Variants in SUGCT observed in about 807,000 individuals in gnomAD.
The protein encoded by SUGCT is succinyl-CoA:glutarate CoA-transferase.
Under a neutral mutation model 55.0 loss-of-function variants are expected in SUGCT, and 41 were observed. That is an observed-to-expected ratio of 0.74 (90% CI 0.58 to 0.97). SUGCT has a LOEUF of 0.97. Ranked by LOEUF, SUGCT falls within the 50% of genes least tolerant of loss-of-function variation. SUGCT has a pLI of 0.00. For missense variants in SUGCT, 568 were observed against 547.8 expected (o/e 1.04, Z -0.37); for synonymous variants, 187 against 200.4 (o/e 0.93, Z 0.56).
At chr7:40,659,891 A>G (rs1801217989) in intron 12 of SUGCT, among the ~76,000 whole-genome samples, 1 of 151,986 alleles carries the variant, frequency 6.6e-6, no homozygotes. Flanking sequence ...GGAGCCAACA[A>G]CTCATTTCTC....
intron 7 of SUGCT, among the ~76,000 whole-genome samples, chr7:40,247,574 G>C (rs1789984051): frequency 6.6e-6 from 1 of 152,042 alleles, no homozygotes; most frequent in South Asian, 2.1e-4. Context: ...TTAAATTTTA[G>C]CCATTTTGGT....
intron 12 of SUGCT, among the ~76,000 whole-genome samples, chr7:40,745,137 C>T (rs1787667274): frequency 6.6e-6 from 1 of 152,190 alleles, no homozygotes; most frequent in Admixed American, 6.5e-5. Flanking sequence ...TCATTATCCA[C>T]AGTGAATAGA....
At chr7:40,137,254 A>G (rs902846503) in intron 1 of SUGCT, among the ~76,000 whole-genome samples, 1 of 152,094 alleles carries the variant, frequency 6.6e-6, no homozygotes, top group Non-Finnish European at 1.5e-5. Flanking sequence ...CAGTCTCCCA[A>G]GTAGCTGGGA....
At chr7:40,447,749 C>T (rs1413813769) in intron 9 of SUGCT, among the ~76,000 whole-genome samples, 1 of 152,000 alleles carries the variant, frequency 6.6e-6, no homozygotes, top group Admixed American at 6.6e-5. Flanking sequence ...CTGGAGGATG[C>T]AGGTGGAGGT....
At chr7:41,023,259 A>G in the SUGCT span, among the ~76,000 whole-genome samples, 24 of 152,132 alleles carry the variant, frequency 1.6e-4, no homozygotes, top group Non-Finnish European at 2.8e-4. Context: ...TCAATTGTTG[A>G]TATGTTGGAG....
At chr7:40,268,181 G>A (rs1364202042) in intron 7 of SUGCT, among the ~76,000 whole-genome samples, 1 of 152,096 alleles carries the variant, frequency 6.6e-6, no homozygotes, top group Non-Finnish European at 1.5e-5. Flanking sequence ...CACAGGTTTT[G>A]CAACCTTACA....
At chr7:40,885,619 C>T in the SUGCT span, among the ~76,000 whole-genome samples, 1 of 152,182 alleles carries the variant, frequency 6.6e-6, no homozygotes, top group African/African-American at 2.4e-5. Flanking sequence ...TCACCAGTCC[C>T]TGGAGCCCAC....
chr7:40,899,361 A>G, the SUGCT span, among the ~76,000 whole-genome samples: 1 of 152,152 alleles, frequency 6.6e-6, no homozygotes, highest in Admixed American at 6.5e-5. Context: ...GGTGGCTATA[A>G]ATACGCCCTG....
the SUGCT span, among the ~76,000 whole-genome samples, chr7:40,898,535 A>C: frequency 5.8e-5 from 8 of 137,530 alleles, no homozygotes; most frequent in Admixed American, 5.1e-4. Flanking sequence ...CATCCTCGCT[A>C]ACACAGTGAA....
chr7:40,977,417 A>G, the SUGCT span, among the ~76,000 whole-genome samples: 1 of 152,178 alleles, frequency 6.6e-6, no homozygotes, highest in African/African-American at 2.4e-5. Context: ...TTGGGGGTAG[A>G]TTATTTAAAG....
chr7:40,526,240 C>T (rs192425639), intron 12 of SUGCT, among the ~76,000 whole-genome samples: 3 of 152,122 alleles, frequency 2.0e-5, no homozygotes, highest in Admixed American at 6.5e-5. Context: ...CCCTGTCAAA[C>T]GAATGAGTTG....
intron 12 of SUGCT, among the ~76,000 whole-genome samples, chr7:40,612,226 C>T (rs546196152): frequency 3.3e-5 from 5 of 152,256 alleles, no homozygotes; most frequent in East Asian, 1.9e-4. Flanking sequence ...CTTCTTCATA[C>T]GTTGTTGTGA....
At chr7:40,559,495 T>A (rs1322836856) in intron 12 of SUGCT, among the ~76,000 whole-genome samples, 1 of 152,248 alleles carries the variant, frequency 6.6e-6, no homozygotes, top group Non-Finnish European at 1.5e-5. Context: ...ACCTGTCCCA[T>A]AGCCTCACAT....
At chr7:40,311,535 A>G (rs1795152195) in intron 8 of SUGCT, among the ~76,000 whole-genome samples, 1 of 152,022 alleles carries the variant, frequency 6.6e-6, no homozygotes, top group South Asian at 2.1e-4. Flanking sequence ...ATTTCGTTTC[A>G]GTCTCTTTCT....
In SUGCT at chr7:40,147,137, C is replaced by G. The variant is rs542652273; in HGVS notation, c.100+12017C>G. Among the ~76,000 whole-genome samples the G allele has an allele frequency of 5.3e-5, 8 of 152,070 alleles. No individual in the cohort carries two copies. The South Asian group carries it at 1.7e-3, about 32-fold the overall frequency. On this transcript the variant is annotated intron_variant, in intron 1 of 13. Transcript: ENST00000335693. ...TCCCTGCCTCTGCCAGCCGCTTATG[C>G]TGCTGTTCTCCCCTCTCCTTCCCCT... is the stretch of plus-strand genomic sequence containing the variant.
intron 12 of SUGCT, among the ~76,000 whole-genome samples, chr7:40,512,505 C>G (rs888234297): frequency 6.6e-6 from 1 of 152,122 alleles, no homozygotes; most frequent in South Asian, 2.1e-4. Flanking sequence ...TGGGCTCTGT[C>G]GTTTACTCAG....
chr7:40,162,589 A>C (rs551152496), intron 1 of SUGCT, among the ~76,000 whole-genome samples: 2 of 152,230 alleles, frequency 1.3e-5, no homozygotes, highest in African/African-American at 4.8e-5. Flanking sequence ...TGATCCTTCC[A>C]CGTCAGCCTC....
At chr7:40,815,806 G>C in intron 13 of SUGCT, among the ~76,000 whole-genome samples, 1 of 152,184 alleles carries the variant, frequency 6.6e-6, no homozygotes, top group Non-Finnish European at 1.5e-5. Flanking sequence ...TGATACAGGT[G>C]AGTGGGTGCT....
chr7:40,999,917 C>T, the SUGCT span, among the ~76,000 whole-genome samples: 1 of 152,076 alleles, frequency 6.6e-6, no homozygotes, highest in East Asian at 1.9e-4. Context: ...TTAAAGGAAA[C>T]TTAAAACATT....
Sources: allele counts gnomAD v4.1 joint callset (sites outside exome capture counted in the v4.1 genomes callset), GRCh38; gene constraint gnomAD v4.1.1; transcripts MANE v1.5; gene names NCBI Gene and HGNC (gene_info 2026-07-23, HGNC 2026-07-21).